SLAMF6: variants seen among roughly 807,000 people sequenced by gnomAD.
The protein encoded by SLAMF6 is SLAM family member 6.
In SLAMF6, 21 loss-of-function variants were observed where a neutral mutation model predicts 38.3. The ratio of observed to expected loss-of-function variants is 0.55; its 90% confidence interval spans 0.39 to 0.79. The LOEUF (loss-of-function observed/expected upper bound fraction) is 0.79, where lower values mean the gene tolerates loss of function less well. Among genes scored for constraint, SLAMF6 ranks in the 30% least tolerant of loss-of-function variants. The probability of loss-of-function intolerance (pLI) is 0.00; values close to 1 mark genes in which losing one functional copy is unlikely to be tolerated. For synonymous variants in SLAMF6, 152 were observed against 146.3 expected, an observed-to-expected ratio of 1.04 and a Z score of -0.28; for missense variants, 341 against 385.3, an observed-to-expected ratio of 0.89 and a Z score of 0.96.
At chr1:160,511,416 C>G (rs948925842) in intron 1 of SLAMF6, among the ~76,000 whole-genome samples, 2 of 152,054 alleles carry the variant, frequency 1.3e-5, no homozygotes, top group Non-Finnish European at 2.9e-5. Flanking sequence ...TAAATAAACC[C>G]AAACATTTAT....
At position 160,516,429 on chromosome 1, in the gene SLAMF6, C is replaced by T. The variant is rs138411159; in HGVS notation, c.49+6715G>A. Among the ~76,000 whole-genome samples, 45 of 152,094 alleles carry T rather than the reference C, an allele frequency of 3.0e-4. No homozygotes were observed. The East Asian group carries it at 4.8e-3, about 16-fold the overall frequency. ...ACATCATGAAAATGACCATACTGCCCGAAGTAATTAATAGATTCACTACTA... is the reference window on the plus strand; with the variant it reads ...ACATCATGAAAATGACCATACTGCCTGAAGTAATTAATAGATTCACTACTA... On this transcript the variant is annotated intron_variant, in intron 1 of 7. Transcript: ENST00000368057.
chr1:160,491,868 T>C (rs368255976), intron 2 of SLAMF6, among the ~76,000 whole-genome samples: 1 of 152,268 alleles, frequency 6.6e-6, no homozygotes, highest in East Asian at 1.9e-4. Context: ...GATGGAAGCA[T>C]CACTTCCTTG....
intron 1 of SLAMF6, among the ~76,000 whole-genome samples, chr1:160,503,175 C>T (rs764424950): frequency 1.2e-4 from 19 of 152,120 alleles, no homozygotes; most frequent in East Asian, 3.9e-4. Context: ...TGGAATATTT[C>T]GCTTATGTTT....
At chr1:160,509,527 A>T (rs1654362795) in intron 1 of SLAMF6, among the ~76,000 whole-genome samples, 1 of 152,164 alleles carries the variant, frequency 6.6e-6, no homozygotes, top group African/African-American at 2.4e-5. Flanking sequence ...TGGGGGAGGG[A>T]TAGCATTAAG....
intron 2 of SLAMF6, among the ~76,000 whole-genome samples, chr1:160,492,218 A>G (rs1192763332): frequency 6.6e-6 from 1 of 152,190 alleles, no homozygotes. Context: ...TGAGGTTTGA[A>G]GTAAAGATGA....
intron 1 of SLAMF6, among the ~76,000 whole-genome samples, chr1:160,518,802 A>C (rs891957873): frequency 6.6e-6 from 1 of 152,162 alleles, no homozygotes; most frequent in Non-Finnish European, 1.5e-5. Flanking sequence ...ATCAGGAAAA[A>C]TAGCTAATGT....
chr1:160,510,077 C>T (rs535561993), intron 1 of SLAMF6, among the ~76,000 whole-genome samples: 2 of 151,978 alleles, frequency 1.3e-5, no homozygotes, highest in Non-Finnish European at 2.9e-5. Context: ...TAAAGAGGAC[C>T]TATAACAAGA....
intron 3 of SLAMF6, 46 bp from the exon 4 acceptor site, chr1:160,490,731 G>T: frequency 6.2e-7 from 1 of 1,601,634 alleles, no homozygotes; most frequent in Non-Finnish European, 8.5e-7. Flanking sequence ...ATCAAGTGAG[G>T]CCCACTGTTC....
In SLAMF6 at chr1:160,490,583, T is replaced by A. The variant is rs1557934273; in HGVS notation, c.749A>T (p.Lys250Ile). The A allele has an allele frequency of 1.2e-6, 2 of 1,612,742 alleles. No individual in the cohort carries two copies. The highest frequency in any genetic ancestry group is 1.7e-6 in the Non-Finnish European group (2 of 1,179,642). Residue 250 changes from lysine to isoleucine, a missense_variant, in exon 4 of 8, where the codon AAA becomes ATA. Lys to Ile is a moderately radical substitution (Grantham distance 102). Transcript: ENST00000368057. ...GAAGAAAGGAAACCTGCCTCTTCTT[T>A]TCCTCAAAACAAGTAACAGCAGTAT... Reference protein sequence around the residue: ...FIILLLLVLRKRRDSLSLSTQ... With the variant: ...FIILLLLVLRIRRDSLSLSTQ...
At chr1:160,504,757 T>C (rs1261121480) in intron 1 of SLAMF6, among the ~76,000 whole-genome samples, 1 of 152,210 alleles carries the variant, frequency 6.6e-6, no homozygotes, top group Admixed American at 6.5e-5. Context: ...ATATGTCGAA[T>C]GCCTGGGAAG....
chr1:160,517,686 A>G (rs1654809212), intron 1 of SLAMF6, among the ~76,000 whole-genome samples: 1 of 152,240 alleles, frequency 6.6e-6, no homozygotes, highest in African/African-American at 2.4e-5. Context: ...AAAAGGAATG[A>G]GATCATGTCC....
intron 4 of SLAMF6, 63 bp downstream of exon 4, chr1:160,490,512 G>A (rs1348066339): frequency 4.4e-6 from 7 of 1,577,548 alleles, no homozygotes; most frequent in Non-Finnish European, 6.0e-6. Flanking sequence ...GGGAATCAGA[G>A]GCCCCAAACT....
chr1:160,497,711 T>C (rs1287808682), intron 1 of SLAMF6, among the ~76,000 whole-genome samples: 1 of 152,146 alleles, frequency 6.6e-6, no homozygotes, highest in Non-Finnish European at 1.5e-5. Flanking sequence ...TAGCTCCCAC[T>C]TATAAGTGAG....
intron 1 of SLAMF6, among the ~76,000 whole-genome samples, chr1:160,522,446 T>G (rs1321600087): frequency 6.6e-6 from 1 of 152,164 alleles, no homozygotes; most frequent in African/African-American, 2.4e-5. Context: ...ATGCTACACT[T>G]TGTCTCCCGT....
chr1:160,518,424 A>G (rs909763389), intron 1 of SLAMF6, among the ~76,000 whole-genome samples: 3 of 152,230 alleles, frequency 2.0e-5, no homozygotes, highest in African/African-American at 4.8e-5. Context: ...CCAAAAGAAT[A>G]TAAATCATTG....
At chr1:160,503,685 A>G (rs1311934116) in intron 1 of SLAMF6, among the ~76,000 whole-genome samples, 2 of 152,162 alleles carry the variant, frequency 1.3e-5, no homozygotes, top group Non-Finnish European at 2.9e-5. Context: ...TCCCTCCACA[A>G]AAAACATGCA....
chr1:160,514,763 A>G (rs1025989693), intron 1 of SLAMF6, among the ~76,000 whole-genome samples: 2 of 152,174 alleles, frequency 1.3e-5, no homozygotes, highest in Admixed American at 1.3e-4. Flanking sequence ...CTCCTGGTTA[A>G]ATAATGAAAT....
intron 6 of SLAMF6, 132 bp from the exon 7 acceptor site, chr1:160,487,307 T>C (rs548885279): frequency 2.5e-6 from 2 of 790,212 alleles, no homozygotes; most frequent in East Asian, 2.7e-5. Flanking sequence ...CTGGGGAATG[T>C]TCAGTGGAAG....
At chr1:160,512,709 G>A (rs1341104270) in intron 1 of SLAMF6, among the ~76,000 whole-genome samples, 4 of 152,092 alleles carry the variant, frequency 2.6e-5, no homozygotes, top group Non-Finnish European at 5.9e-5. Context: ...CACCAGGGTG[G>A]GGAGGGACCC....
Sources: gnomAD v4.1 joint callset for allele counts (sites outside exome capture counted in the v4.1 genomes callset) on GRCh38, gnomAD v4.1.1 for gene constraint, MANE v1.5 for transcripts, NCBI Gene and HGNC (gene_info 2026-07-23, HGNC 2026-07-21) for gene names.